CWC22: variants seen among roughly 807,000 people sequenced by gnomAD.
The protein encoded by CWC22 is pre-mRNA-splicing factor CWC22 homolog.
In CWC22, 53 loss-of-function variants were observed where a neutral mutation model predicts 117.2. The ratio of observed to expected loss-of-function variants is 0.45; its 90% confidence interval spans 0.36 to 0.57. The LOEUF (loss-of-function observed/expected upper bound fraction) is 0.57, where lower values mean the gene tolerates loss of function less well. CWC22 is among the 20% of genes least tolerant of loss of function. The probability of loss-of-function intolerance (pLI) is 0.00; values close to 1 mark genes in which losing one functional copy is unlikely to be tolerated. For synonymous variants in CWC22, 360 were observed against 355.6 expected (o/e 1.01, Z -0.14); for missense variants, 980 against 1,068.8 (o/e 0.92, Z 1.16).
At chr2:179,993,244 T>G (rs1462586733) in intron 2 of CWC22, 71 bp downstream of exon 2, 1 of 1,104,560 alleles carries the variant, frequency 9.1e-7, no homozygotes, top group African/African-American at 1.6e-5. Flanking sequence ...ATTACATAAA[T>G]GCATTTATAT....
intron 19 of CWC22, among the ~76,000 whole-genome samples, chr2:179,949,785 T>A (rs1249291976): frequency 1.3e-5 from 2 of 152,206 alleles, no homozygotes; most frequent in African/African-American, 4.8e-5. Flanking sequence ...ATGATAAATA[T>A]ATATTGTGGT....
At chr2:179,951,828 G>C (rs1211002540) in intron 17 of CWC22, among the ~76,000 whole-genome samples, 2 of 152,076 alleles carry the variant, frequency 1.3e-5, no homozygotes, top group African/African-American at 4.8e-5. Flanking sequence ...GACTGAGAGA[G>C]GAAGTGAGAA....
chr2:179,988,323 T>G (rs536397971), intron 3 of CWC22, among the ~76,000 whole-genome samples: 24 of 152,224 alleles, frequency 1.6e-4, no homozygotes, highest in Non-Finnish European at 3.2e-4. Flanking sequence ...TACACTTTCA[T>G]TCCATTAGTC....
chr2:179,955,563 A>C (rs988235595), intron 14 of CWC22, among the ~76,000 whole-genome samples: 4 of 152,002 alleles, frequency 2.6e-5, no homozygotes, highest in Non-Finnish European at 5.9e-5. Context: ...GAAACATCAA[A>C]AAACACCTCT....
chr2:179,963,443 C>A (rs1047930840), intron 13 of CWC22, among the ~76,000 whole-genome samples: 2 of 141,922 alleles, frequency 1.4e-5, no homozygotes, highest in African/African-American at 5.2e-5. Context: ...CCCAGGTTCA[C>A]GCCATTCTCC....
intron 17 of CWC22, among the ~76,000 whole-genome samples, chr2:179,951,563 C>T (rs1686448831): frequency 6.6e-6 from 1 of 152,030 alleles, no homozygotes; most frequent in African/African-American, 2.4e-5. Flanking sequence ...TTAAGAGTTT[C>T]CCAGATAGAT....
chr2:180,003,661 T>A (rs1687899176), intron 1 of CWC22, among the ~76,000 whole-genome samples: 1 of 152,104 alleles, frequency 6.6e-6, no homozygotes, highest in Non-Finnish European at 1.5e-5. Context: ...CCTGACAAAC[T>A]ATTTCAGGAA....
chr2:179,954,932 T>G, intron 15 of CWC22, 25 bp downstream of exon 15: 1 of 1,326,336 alleles, frequency 7.5e-7, no homozygotes, highest in Non-Finnish European at 1.1e-6. Flanking sequence ...TTTTAAGAAT[T>G]CCCTCAGTAG....
intron 5 of CWC22, 114 bp downstream of exon 5, chr2:179,981,638 C>T (rs755514831): frequency 8.6e-6 from 7 of 815,080 alleles, no homozygotes; most frequent in Non-Finnish European, 1.3e-5. Flanking sequence ...AATTTGAGGT[C>T]TCTATCACTA....
chr2:179,997,872 A>G (rs1441586677), intron 1 of CWC22, among the ~76,000 whole-genome samples: 1 of 152,174 alleles, frequency 6.6e-6, no homozygotes, highest in African/African-American at 2.4e-5. Flanking sequence ...GCAAGGTGAC[A>G]GGTTGGACTT....
At chr2:179,950,326 T>A (rs760221634) in intron 19 of CWC22, among the ~76,000 whole-genome samples, 186 bp downstream of exon 19, 12 of 152,126 alleles carry the variant, frequency 7.9e-5, no homozygotes, top group Non-Finnish European at 1.3e-4. Context: ...CAAAAGGTAA[T>A]CCCAGCATTA....
chr2:179,993,591 T>A (rs1575657852), intron 1 of CWC22, 137 bp from the exon 2 acceptor site: 1 of 469,872 alleles, frequency 2.1e-6, no homozygotes, highest in East Asian at 3.5e-5. Flanking sequence ...ATTGTAAAAA[T>A]CCTTAAGTAG....
At chr2:179,966,271 C>CA (rs1191155372) in intron 11 of CWC22, among the ~76,000 whole-genome samples, 1 of 152,104 alleles carries the variant, frequency 6.6e-6, no homozygotes, top group Non-Finnish European at 1.5e-5. Context: ...TTGAAAAGAG[C>CA]AAGAGCACTG....
rs1303234639 is a variant in CWC22 at position 179,973,793 on chromosome 2, C to G, written c.591G>C (p.Leu197=). The change falls in exon 7 of 20, where the codon CTG becomes CTC. Residue 197 remains leucine (L), a synonymous_variant. Transcript: ENST00000410053. ...TCTGTGCTTGCAAAACAGACCTGGACAGCAGTCCTCTGTTTAAAAAAGAAT... is the reference window on the plus strand; with the variant it reads ...TCTGTGCTTGCAAAACAGACCTGGAGAGCAGTCCTCTGTTTAAAAAAGAAT... ...QENIVRGRGL[L]SRSVLQAQSA... 6.4e-6 allele frequency: 10 copies of G among 1,555,210 alleles called. No homozygotes were observed. Among genetic ancestry groups the G allele is most frequent in the Non-Finnish European group, 8.7e-6 (10 of 1,151,670 alleles).
intron 19 of CWC22, among the ~76,000 whole-genome samples, chr2:179,946,370 G>A (rs910197415): frequency 3.4e-5 from 5 of 147,930 alleles, no homozygotes; most frequent in African/African-American, 7.5e-5. Context: ...AGGATCAATT[G>A]AGCCTGGGAG....
At chr2:180,005,554 C>T (rs1319328474) in intron 1 of CWC22, among the ~76,000 whole-genome samples, 2 of 151,960 alleles carry the variant, frequency 1.3e-5, no homozygotes, top group Non-Finnish European at 2.9e-5. Context: ...CCAGCCTGGG[C>T]GACAGAGTAA....
Position 179,946,266 on chromosome 2 carries a change from G to A in CWC22, c.2141-551C>T, listed in dbSNP as rs182628647. On this transcript the variant is annotated intron_variant, in intron 19 of 19. Coordinates refer to ENST00000410053, the MANE Select transcript of CWC22 (RefSeq NM_020943.3). ...GAAGTTGGAGACCAGCCTGGGTAAC[G>A]TAGCGAAACCCCTTCTCTACAAAAA... 3.9e-3 allele frequency among the ~76,000 whole-genome samples: 589 copies of A among 151,832 alleles called. 3 individuals carry two copies. Among genetic ancestry groups the A allele is most frequent in the African/African-American group, 0.014 (563 of 41,404 alleles).
chr2:179,990,141 T>G (rs1687523235), intron 2 of CWC22, among the ~76,000 whole-genome samples: 2 of 152,170 alleles, frequency 1.3e-5, no homozygotes, highest in Non-Finnish European at 2.9e-5. Flanking sequence ...ATTGATAACT[T>G]AAAGTAACCA....
At chr2:179,963,722 G>A (rs1208814761) in intron 13 of CWC22, among the ~76,000 whole-genome samples, 2 of 152,118 alleles carry the variant, frequency 1.3e-5, no homozygotes, top group Non-Finnish European at 1.5e-5. Context: ...GCTGTTTAAC[G>A]TTCCTCTATT....
Sources: gnomAD v4.1 joint callset for allele counts (sites outside exome capture counted in the v4.1 genomes callset) on GRCh38, gnomAD v4.1.1 for gene constraint, MANE v1.5 for transcripts, NCBI Gene and HGNC (gene_info 2026-07-23, HGNC 2026-07-21) for gene names.